BPTF: variants seen among roughly 807,000 people sequenced by gnomAD.
BPTF encodes the protein nucleosome-remodeling factor subunit BPTF.
In BPTF, 18 loss-of-function variants were observed where a neutral mutation model predicts 292.5. That is an observed-to-expected ratio of 0.06 (90% CI 0.04 to 0.09). BPTF has a LOEUF of 0.09. Ranked by LOEUF, BPTF falls within the 10% of genes least tolerant of loss-of-function variation. The pLI is 1.00. For missense variants in BPTF, 2,726 were observed against 3,498.7 expected, an observed-to-expected ratio of 0.78 and a Z score of 5.57; for synonymous variants, 1,225 against 1,251.9, an observed-to-expected ratio of 0.98 and a Z score of 0.45.
chr17:67,851,716 T>C (rs1283449718), intron 1 of BPTF, among the ~76,000 whole-genome samples: 1 of 151,984 alleles, frequency 6.6e-6, no homozygotes, highest in South Asian at 2.1e-4. Flanking sequence ...AACCTTAAAC[T>C]TGACAATCCT....
In BPTF at chr17:67,982,295, G is replaced by A. The variant is rs1192901037; in HGVS notation, c.*7G>A. 1 of 1,608,348 alleles carries A rather than the reference G, an allele frequency of 6.2e-7. No homozygotes were observed. The highest frequency in any genetic ancestry group is 1.3e-5 in the African/African-American group (1 of 74,746). ...GCAGTCTACAGCTTCTTAAAGTTCA[G>A]CGTGTTAACCTAACATAAAACACAG... On this transcript the variant is annotated 3_prime_UTR_variant, in exon 28 of 28. Coordinates refer to ENST00000306378, the MANE Select transcript of BPTF (RefSeq NM_182641.4).
chr17:67,844,602 T>C (rs1187378108), intron 1 of BPTF, among the ~76,000 whole-genome samples: 1 of 150,068 alleles, frequency 6.7e-6, no homozygotes, highest in African/African-American at 2.5e-5. Context: ...AGTTTCACCA[T>C]GTTGCCCAGG....
intron 13 of BPTF, among the ~76,000 whole-genome samples, chr17:67,921,429 G>A (rs770466408): frequency 6.6e-6 from 1 of 152,012 alleles, no homozygotes; most frequent in Non-Finnish European, 1.5e-5. Context: ...GGGAGGGTGA[G>A]GCGGGAGAAT....
chr17:67,975,887 C>T lies in BPTF; in HGVS notation c.8655C>T (p.Ser2885=), dbSNP rs782505255. ...GTCGTTACTACAATCCAAGTGACTC[C>T]CCATTTTACCAGTGTGCAGAAGTTC... The part of the protein sequence containing the change: ...DNCRYYNPSD[S]PFYQCAEVLE... The change falls in exon 27 of 28, where the codon TCC becomes TCT. Residue 2885 remains serine (S), a synonymous_variant. Transcript: ENST00000306378. 3.1e-6 allele frequency: 5 copies of T among 1,613,874 alleles called. No homozygotes were observed. The highest frequency in any genetic ancestry group is 1.6e-4 in the Middle Eastern group (1 of 6,062).
At chr17:67,949,436 G>A (rs139428019) in intron 23 of BPTF, among the ~76,000 whole-genome samples, 1,715 of 151,812 alleles carry the variant, frequency 0.011, 28 homozygotes, top group African/African-American at 0.039. Context: ...TTAGCTGGGC[G>A]TGGTGGCAGG....
At chr17:67,851,168 G>T (rs1337640271) in intron 1 of BPTF, among the ~76,000 whole-genome samples, 1 of 152,046 alleles carries the variant, frequency 6.6e-6, no homozygotes, top group Non-Finnish European at 1.5e-5. Context: ...TGGGACCCTA[G>T]CTCTTTTTGT....
At chr17:67,935,661 G>A (rs1183974559) in intron 18 of BPTF, among the ~76,000 whole-genome samples, 5 of 152,012 alleles carry the variant, frequency 3.3e-5, no homozygotes, top group Non-Finnish European at 5.9e-5. Flanking sequence ...TTCAAGACCC[G>A]CCTGCCCAAC....
rs533555624 is a variant in BPTF at position 67,875,086 on chromosome 17, C to T, written c.1864+66C>T. 2.1e-5 allele frequency: 29 copies of T among 1,407,766 alleles called. 2 individuals are homozygous for T. The South Asian group carries it at 3.6e-4, about 17-fold the overall frequency. The allele number at this position is 1,407,766 out of a possible 1,614,324, so 87.2% of individuals were successfully genotyped here. A position where few individuals can be genotyped will look rare whatever the true frequency, so the allele number is the denominator to read the frequency against. On this transcript the variant is annotated intron_variant, in intron 4 of 27. Coordinates refer to ENST00000306378, the MANE Select transcript of BPTF (RefSeq NM_182641.4). ...GTTATTTATGAAATCTCCAGTTTTACTTGCAAAATGAAAGTGAAATATTGC... is the reference window on the plus strand; with the variant it reads ...GTTATTTATGAAATCTCCAGTTTTATTTGCAAAATGAAAGTGAAATATTGC...
chr17:67,837,876 G>T (rs576032904), intron 1 of BPTF, among the ~76,000 whole-genome samples: 23 of 152,288 alleles, frequency 1.5e-4, no homozygotes, highest in African/African-American at 5.5e-4. Flanking sequence ...CTCCCAAATG[G>T]CAGGATGTCT....
At chr17:67,933,561 C>T (rs1302612119) in intron 18 of BPTF, among the ~76,000 whole-genome samples, 2 of 150,946 alleles carry the variant, frequency 1.3e-5, no homozygotes, top group Non-Finnish European at 2.9e-5. Flanking sequence ...GGAGCACGAC[C>T]TGTTTAAAAA....
rs1331814313 is a variant in BPTF, at chr17:67,928,397, A to G, written c.5794A>G (p.Thr1932Ala). ...QQKPTVIATSTTSPTSSTTST... is the reference protein window; with the variant it reads ...QQKPTVIATSATSPTSSTTST... Reference sequence around the variant, plus strand: ...GAAGCCGACAGTGATTGCAACTTCCACTACTTCCCCAACAAGCAGTACAAC... The same window carrying G: ...GAAGCCGACAGTGATTGCAACTTCCGCTACTTCCCCAACAAGCAGTACAAC... The change falls in exon 16 of 28, where the codon ACT becomes GCT. Residue 1932 changes from threonine (T) to alanine (A), a missense_variant. Physicochemically the swap from Thr to Ala is moderately conservative, Grantham distance 58. Coordinates refer to ENST00000306378, the MANE Select transcript of BPTF (RefSeq NM_182641.4). The G allele has an allele frequency of 1.9e-6, 3 of 1,613,814 alleles. No individual in the cohort carries two copies. Among genetic ancestry groups the G allele is most frequent in the Admixed American group, 1.7e-5 (1 of 59,942 alleles).
chr17:67,872,748 G>T (rs1235382099), intron 3 of BPTF, among the ~76,000 whole-genome samples: 2 of 152,094 alleles, frequency 1.3e-5, no homozygotes, highest in Non-Finnish European at 2.9e-5. Context: ...GTGCCTCTAA[G>T]AAAAACAGAT....
chr17:67,827,109 A>T (rs1444833419), intron 1 of BPTF, among the ~76,000 whole-genome samples: 1 of 152,232 alleles, frequency 6.6e-6, no homozygotes, highest in Non-Finnish European at 1.5e-5. Flanking sequence ...AACTACAGGA[A>T]CGCGCGTCTT....
chr17:67,907,853 C>G (rs1482833486), intron 9 of BPTF, among the ~76,000 whole-genome samples: 2 of 152,112 alleles, frequency 1.3e-5, no homozygotes, highest in African/African-American at 4.8e-5. Context: ...ATTCTCAGTC[C>G]ATATTCCACT....
At chr17:67,874,450 C>T (rs563490090) in intron 3 of BPTF, among the ~76,000 whole-genome samples, 1 of 152,336 alleles carries the variant, frequency 6.6e-6, no homozygotes, top group South Asian at 2.1e-4. Flanking sequence ...GTTTTGATCA[C>T]TGCAGTGTGC....
intron 4 of BPTF, among the ~76,000 whole-genome samples, chr17:67,888,631 TCGAGG>T (rs1482839945): frequency 6.6e-6 from 1 of 150,738 alleles, no homozygotes; most frequent in Non-Finnish European, 1.5e-5. Context: ...CCAGTAGATC[TCGAGG>T]TGGCTTATCT....
intron 26 of BPTF, chr17:67,974,185 G>A (rs1463042675): frequency 1.3e-5 from 2 of 152,030 alleles, no homozygotes; most frequent in Admixed American, 1.3e-4. Flanking sequence ...ATGTCAAATT[G>A]TATACAGAAT....
At position 67,911,784 on chromosome 17, in the gene BPTF, TAGC is replaced by T; in HGVS notation, c.3903_3905del (p.Ser1302del). On this transcript the variant is annotated inframe_deletion, in exon 11 of 28. Transcript: ENST00000306378. ...GTTCTGATACCGTGTCTATTCAGGA[TAGC>T]AGTGAAGAAGATATGATTGTTCAGA... The T allele has an allele frequency of 6.2e-7, 1 of 1,614,194 alleles. No homozygotes were observed.
At chr17:67,853,391 T>C (rs1449571295) in intron 1 of BPTF, among the ~76,000 whole-genome samples, 1 of 152,152 alleles carries the variant, frequency 6.6e-6, no homozygotes, top group Non-Finnish European at 1.5e-5. Flanking sequence ...CTTGAGCCCA[T>C]GCTTCGCTGT....
Sources: allele counts gnomAD v4.1 joint callset (sites outside exome capture counted in the v4.1 genomes callset), GRCh38; gene constraint gnomAD v4.1.1; transcripts MANE v1.5; gene names NCBI Gene and HGNC (gene_info 2026-07-23, HGNC 2026-07-21).